Variants in PGM5 observed in about 807,000 individuals in gnomAD.
The protein encoded by PGM5 is phosphoglucomutase 5.
A neutral mutation model predicts 59.2 loss-of-function variants in PGM5; 23 were observed. That is an observed-to-expected ratio of 0.39 (90% CI 0.28 to 0.55). The LOEUF (loss-of-function observed/expected upper bound fraction) is 0.55, where lower values mean the gene tolerates loss of function less well. Among genes scored for constraint, PGM5 ranks in the 20% least tolerant of loss-of-function variants. The pLI is 0.66. For synonymous variants in PGM5, 214 were observed against 286.0 expected (o/e 0.75, Z 2.54); for missense variants, 574 against 748.3 (o/e 0.77, Z 2.72).
At chr9:68,386,224 T>G (rs1554678827) in intron 3 of PGM5, among the ~76,000 whole-genome samples, 1 of 152,010 alleles carries the variant, frequency 6.6e-6, no homozygotes, top group South Asian at 2.1e-4. Context: ...ACCTTTTGTC[T>G]TACAGATTAA....
At chr9:68,467,585 C>T (rs1342186660) in intron 7 of PGM5, among the ~76,000 whole-genome samples, 1 of 152,186 alleles carries the variant, frequency 6.6e-6, no homozygotes, top group Non-Finnish European at 1.5e-5. Flanking sequence ...CATTTTCCCC[C>T]TCCCCATTAA....
intron 1 of PGM5, among the ~76,000 whole-genome samples, chr9:68,376,926 CTTCT>C (rs1230942987): frequency 9.3e-6 from 1 of 108,034 alleles, no homozygotes; most frequent in Admixed American, 9.3e-5. Flanking sequence ...CTTTTTCTTT[CTTCT>C]TTCTTTCTTT....
intron 1 of PGM5, among the ~76,000 whole-genome samples, chr9:68,367,854 AC>A (rs1834708727): frequency 6.6e-6 from 1 of 150,784 alleles, no homozygotes; most frequent in African/African-American, 2.4e-5. Flanking sequence ...TGTGACAATT[AC>A]TCAGAGAAAA....
At chr9:68,376,949 CAG>C (rs1404897071) in intron 1 of PGM5, among the ~76,000 whole-genome samples, 2 of 149,744 alleles carry the variant, frequency 1.3e-5, no homozygotes, top group Non-Finnish European at 3.0e-5. Flanking sequence ...TTCCCTCAGA[CAG>C]AGTCTCACTC....
At chr9:68,473,232 GA>G (rs35302846) in intron 7 of PGM5, among the ~76,000 whole-genome samples, 1 of 152,036 alleles carries the variant, frequency 6.6e-6, no homozygotes, top group Non-Finnish European at 1.5e-5. Flanking sequence ...TTGAGTAGCT[GA>G]AAAAAGGATG....
At chr9:68,396,971 G>A (rs1171894897) in intron 6 of PGM5, 3 of 152,404 alleles carry the variant, frequency 2.0e-5, no homozygotes, top group Non-Finnish European at 2.9e-5. Flanking sequence ...GAATTATTCA[G>A]ACAAACTTTC....
intron 7 of PGM5, among the ~76,000 whole-genome samples, chr9:68,468,057 G>T (rs530766646): frequency 6.8e-6 from 1 of 147,160 alleles, no homozygotes; most frequent in South Asian, 2.1e-4. Flanking sequence ...TGGCTCAGGT[G>T]CACATGTGAA....
chr9:68,450,185 A>T (rs1470746041), intron 6 of PGM5, among the ~76,000 whole-genome samples: 2 of 152,224 alleles, frequency 1.3e-5, no homozygotes, highest in Non-Finnish European at 2.9e-5. Context: ...GATCATTGTC[A>T]TTTGTGTACA....
At position 68,357,224 on chromosome 9, in the gene PGM5, C is replaced by T. The variant is rs529695457; in HGVS notation, c.97C>T (p.Leu33Phe). The change falls in exon 1 of 11, where the codon CTC becomes TTC. Residue 33 changes from leucine (L) to phenylalanine (F), a missense_variant. Leu to Phe is a conservative substitution (Grantham distance 22). Around this residue, in one of 7 missense-constraint regions of PGM5, gnomAD observed 60 missense variants for 71.0 expected, o/e 0.85. Coordinates refer to ENST00000396396, the MANE Select transcript of PGM5 (RefSeq NM_021965.4). ...CGGGGGTCTGCGGCGACCCACCGGCCTCTTCGAGGGCCAGCGCAACTACCT... is the reference window on the plus strand; with the variant it reads ...CGGGGGTCTGCGGCGACCCACCGGCTTCTTCGAGGGCCAGCGCAACTACCT... ...GGGGLRRPTG[L>F]FEGQRNYLPN... The T allele has an allele frequency of 6.5e-7, 1 of 1,541,560 alleles. No homozygotes were observed. The highest frequency in any genetic ancestry group is 1.4e-5 in the African/African-American group (1 of 73,068).
chr9:68,515,910 A>G (rs1461238502), intron 10 of PGM5, among the ~76,000 whole-genome samples: 3 of 152,184 alleles, frequency 2.0e-5, no homozygotes, highest in Non-Finnish European at 2.9e-5. Flanking sequence ...TCTGTCTTCA[A>G]TGATGATGAT....
intron 6 of PGM5, among the ~76,000 whole-genome samples, chr9:68,456,318 G>A (rs1236522462): frequency 1.3e-5 from 2 of 150,772 alleles, no homozygotes; most frequent in African/African-American, 2.4e-5. Context: ...GGGGGTGGGG[G>A]GGTGGCAGGA....
intron 8 of PGM5, among the ~76,000 whole-genome samples, chr9:68,482,519 A>G (rs897285975): frequency 6.6e-6 from 1 of 152,210 alleles, no homozygotes; most frequent in Non-Finnish European, 1.5e-5. Flanking sequence ...ATCTTGGCTA[A>G]TATGCTGATG....
chr9:68,460,977 G>T (rs911347471), intron 6 of PGM5, among the ~76,000 whole-genome samples: 1 of 152,296 alleles, frequency 6.6e-6, no homozygotes, highest in South Asian at 2.1e-4. Context: ...GAAGGGTCAC[G>T]TTGGATTGAT....
chr9:68,465,284 C>T, intron 7 of PGM5, 76 bp downstream of exon 7: 1 of 978,244 alleles, frequency 1.0e-6, no homozygotes, highest in East Asian at 2.4e-5. Flanking sequence ...GATCTGTGAA[C>T]TTTCTGTGAA....
Position 68,391,666 on chromosome 9 carries a change from T to C in PGM5, c.830T>C (p.Leu277Pro), listed in dbSNP as rs781980333. 2 of 1,613,308 alleles carry C rather than the reference T, an allele frequency of 1.2e-6. No individual in the cohort carries two copies. Among genetic ancestry groups the C allele is most frequent in the Non-Finnish European group, 1.7e-6 (2 of 1,179,424 alleles). ...CCAAACCTGACATATGCAACGACTCTTCTGGAAGCAATGAAAGGAGGAGAA... is the reference window on the plus strand; with the variant it reads ...CCAAACCTGACATATGCAACGACTCCTCTGGAAGCAATGAAAGGAGGAGAA... ...PDPNLTYATTLLEAMKGGEYG... is the reference protein window; with the variant it reads ...PDPNLTYATTPLEAMKGGEYG... The change falls in exon 5 of 11, where the codon CTT becomes CCT. Residue 277 changes from leucine to proline, a missense_variant. Around this residue, in one of 7 missense-constraint regions of PGM5, gnomAD observed 34 missense variants for 48.1 expected, o/e 0.71. Transcript: ENST00000396396.
chr9:68,441,807 A>G (rs1823532804), intron 6 of PGM5, among the ~76,000 whole-genome samples: 1 of 152,176 alleles, frequency 6.6e-6, no homozygotes, highest in Admixed American at 6.5e-5. Context: ...GAAAAAAAAT[A>G]TGGATTCTAT....
chr9:68,413,358 G>A, intron 6 of PGM5, among the ~76,000 whole-genome samples: 1 of 151,664 alleles, frequency 6.6e-6, no homozygotes. Context: ...TCAATGGAGG[G>A]AAATTCTCCC....
chr9:68,529,520 A>G, intron 10 of PGM5, 47 bp from the exon 11 acceptor site: 1 of 1,369,710 alleles, frequency 7.3e-7, no homozygotes, highest in East Asian at 2.5e-5. Context: ...ATGCCCCAAA[A>G]TGTAACTGAC....
At chr9:68,478,516 G>C (rs1824141090) in intron 7 of PGM5, among the ~76,000 whole-genome samples, 1 of 152,218 alleles carries the variant, frequency 6.6e-6, no homozygotes, top group Non-Finnish European at 1.5e-5. Flanking sequence ...GCTTAAAGCA[G>C]TAGAAATGTA....
Sources: gnomAD v4.1 joint callset for allele counts (sites outside exome capture counted in the v4.1 genomes callset) on GRCh38, gnomAD v4.1.1 for gene constraint, gnomAD v4.1.1 regional missense constraint, MANE v1.5 for transcripts, NCBI Gene and HGNC (gene_info 2026-07-23, HGNC 2026-07-21) for gene names.